Variants in BRINP2 observed in about 807,000 individuals in gnomAD.
BRINP2 encodes BMP/retinoic acid-inducible neural-specific protein 2.
A neutral mutation model predicts 69.2 loss-of-function variants in BRINP2; 21 were observed. The observed-to-expected ratio is 0.30, with a 90% CI of 0.22 to 0.44. The LOEUF (loss-of-function observed/expected upper bound fraction) is 0.44. BRINP2 is among the 20% of genes least tolerant of loss of function. The pLI is 1.00. For synonymous variants in BRINP2, 380 were observed against 394.1 expected (o/e 0.96, Z 0.42); for missense variants, 877 against 986.0 (o/e 0.89, Z 1.48).
At chr1:177,199,080 C>A (rs1451099869) in intron 1 of BRINP2, among the ~76,000 whole-genome samples, 1 of 152,186 alleles carries the variant, frequency 6.6e-6, no homozygotes, top group Non-Finnish European at 1.5e-5. Context: ...GATTTTCATT[C>A]ATTGCAAGAT....
At chr1:177,236,382 T>C (rs987003520) in intron 2 of BRINP2, among the ~76,000 whole-genome samples, 19 of 152,198 alleles carry the variant, frequency 1.2e-4, no homozygotes, top group Non-Finnish European at 2.5e-4. Context: ...CTTATGTGCA[T>C]ACAAATAACT....
chr1:177,278,863 C>G, intron 7 of BRINP2, 78 bp downstream of exon 7: 1 of 1,402,592 alleles, frequency 7.1e-7, no homozygotes, highest in South Asian at 1.2e-5. Flanking sequence ...AACCCTCTGT[C>G]CAATGTAGGG....
chr1:177,237,781 G>A (rs1455169656), intron 2 of BRINP2, among the ~76,000 whole-genome samples: 1 of 151,974 alleles, frequency 6.6e-6, no homozygotes, highest in Non-Finnish European at 1.5e-5. Context: ...TCTTAGAGAC[G>A]TGTGTGTGTG....
intron 1 of BRINP2, among the ~76,000 whole-genome samples, chr1:177,198,578 T>C (rs1051100366): frequency 6.6e-6 from 1 of 152,012 alleles, no homozygotes; most frequent in South Asian, 2.1e-4. Context: ...CAGGCTGGGG[T>C]CCACCTTTTT....
intron 4 of BRINP2, among the ~76,000 whole-genome samples, chr1:177,260,979 G>A (rs1235256554): frequency 6.6e-5 from 10 of 152,274 alleles, no homozygotes; most frequent in African/African-American, 1.9e-4. Context: ...CCAAGTAAGA[G>A]GATAAAGGGT....
At chr1:177,194,473 G>A (rs1445161522) in intron 1 of BRINP2, among the ~76,000 whole-genome samples, 2 of 152,142 alleles carry the variant, frequency 1.3e-5, no homozygotes, top group African/African-American at 4.8e-5. Context: ...GCCTGAAAAG[G>A]ACATCCATGT....
At chr1:177,223,967 G>T (rs567545707) in intron 1 of BRINP2, among the ~76,000 whole-genome samples, 1 of 152,058 alleles carries the variant, frequency 6.6e-6, no homozygotes, top group African/African-American at 2.4e-5. Flanking sequence ...GGAGCACATC[G>T]TCAAGGCAAA....
intron 1 of BRINP2, among the ~76,000 whole-genome samples, chr1:177,182,930 G>C (rs910274035): frequency 1.6e-4 from 25 of 151,998 alleles, no homozygotes; most frequent in African/African-American, 4.8e-4. Flanking sequence ...CTTAAACTTA[G>C]GGGTTTTGTT....
intron 2 of BRINP2, among the ~76,000 whole-genome samples, chr1:177,230,509 A>T (rs938083655): frequency 6.6e-6 from 1 of 152,200 alleles, no homozygotes; most frequent in Non-Finnish European, 1.5e-5. Context: ...GTTTTAACTA[A>T]TGGGTTAGTT....
At chr1:177,277,902 G>A (rs1005538950) in intron 6 of BRINP2, among the ~76,000 whole-genome samples, 1 of 152,144 alleles carries the variant, frequency 6.6e-6, no homozygotes, top group Non-Finnish European at 1.5e-5. Context: ...GAAGCTCTAA[G>A]GAGAACCTAG....
At chr1:177,246,314 A>G (rs1650379461) in intron 2 of BRINP2, among the ~76,000 whole-genome samples, 1 of 152,216 alleles carries the variant, frequency 6.6e-6, no homozygotes, top group South Asian at 2.1e-4. Context: ...AATCATTGGT[A>G]GTGTGGTCTA....
At chr1:177,173,294 G>C (rs1210829704) in intron 1 of BRINP2, among the ~76,000 whole-genome samples, 1 of 152,190 alleles carries the variant, frequency 6.6e-6, no homozygotes, top group Non-Finnish European at 1.5e-5. Flanking sequence ...CTTTGAGGAG[G>C]ATATAATTTG....
intron 2 of BRINP2, among the ~76,000 whole-genome samples, chr1:177,244,934 G>A (rs1403319335): frequency 1.3e-5 from 2 of 152,002 alleles, no homozygotes; most frequent in Non-Finnish European, 2.9e-5. Context: ...AAGTCACAAA[G>A]CCAAACCCAA....
At chr1:177,177,123 G>T (rs2102286075) in intron 1 of BRINP2, among the ~76,000 whole-genome samples, 1 of 152,178 alleles carries the variant, frequency 6.6e-6, no homozygotes, top group Non-Finnish European at 1.5e-5. Context: ...AGATTATTTT[G>T]TGAAATAATT....
Position 177,278,802 on chromosome 1 carries a change from T to C in BRINP2, c.1235+17T>C, listed in dbSNP as rs1437639607. The C allele has an allele frequency of 6.2e-7, 1 of 1,612,420 alleles. No homozygotes were observed. Among genetic ancestry groups the C allele is most frequent in the East Asian group, 2.2e-5 (1 of 44,868 alleles). On this transcript the variant is annotated intron_variant, in intron 7 of 7. Transcript: ENST00000361539. The stretch of plus-strand genomic sequence containing the variant: ...CAAGGAGAGGTGAGCACCCCCTGGC[T>C]GCTACAGCCAGAGCTCAGCACCTCC...
chr1:177,205,524 A>G (rs1400514381), intron 1 of BRINP2, among the ~76,000 whole-genome samples: 1 of 152,204 alleles, frequency 6.6e-6, no homozygotes, highest in African/African-American at 2.4e-5. Flanking sequence ...GAATGAGTAC[A>G]GATCCTAGGA....
At chr1:177,197,863 G>C (rs896094657) in intron 1 of BRINP2, among the ~76,000 whole-genome samples, 1 of 152,218 alleles carries the variant, frequency 6.6e-6, no homozygotes, top group Non-Finnish European at 1.5e-5. Flanking sequence ...ATGAAAGTTA[G>C]AGAGAGTGAA....
intron 2 of BRINP2, among the ~76,000 whole-genome samples, chr1:177,237,876 T>G: frequency 6.6e-6 from 1 of 152,136 alleles, no homozygotes; most frequent in East Asian, 1.9e-4. Flanking sequence ...CATATGGTCT[T>G]TTTTTCTCTC....
Position 177,281,403 on chromosome 1 carries a change from TG to T in BRINP2, c.2228del (p.Cys743SerfsTer21). 1.9e-6 allele frequency: 3 copies of T among 1,614,134 alleles called. No homozygotes were observed. The highest frequency in any genetic ancestry group is 2.5e-6 in the Non-Finnish European group (3 of 1,180,036). On this transcript the variant is annotated frameshift_variant, in exon 8 of 8. Transcript: ENST00000361539. LOFTEE classifies it high-confidence loss of function. ...PGKVRLDLFS[C>X]LLRHRLKLAN... ...CAAAGTCCGACTTGACCTTTTCTCC[TG>T]CTTGCTCCGGCATCGGCTTAAGCTG...
Sources: gnomAD v4.1 joint callset for allele counts (sites outside exome capture counted in the v4.1 genomes callset) on GRCh38, gnomAD v4.1.1 for gene constraint, MANE v1.5 for transcripts, NCBI Gene and HGNC (gene_info 2026-07-23, HGNC 2026-07-21) for gene names.